PAM: variants seen among roughly 807,000 people sequenced by gnomAD.
PAM encodes peptidylglycine alpha-amidating monooxygenase, also known as peptidyl-glycine alpha-amidating monooxygenase.
Under a neutral mutation model 122.1 loss-of-function variants are expected in PAM, and 72 were observed. The observed-to-expected ratio is 0.59, with a 90% confidence interval of 0.49 to 0.72. The LOEUF (loss-of-function observed/expected upper bound fraction) is 0.72, where lower values mean the gene tolerates loss of function less well. Ranked by LOEUF, PAM falls within the 30% of genes least tolerant of loss-of-function variation. The pLI is 0.00. For missense variants in PAM, 1,106 were observed against 1,183.7 expected (o/e 0.93, Z 0.96); for synonymous variants, 389 against 404.4 (o/e 0.96, Z 0.46).
In PAM at chr5:102,930,698, T is replaced by C. The variant is rs75041811; in HGVS notation, c.526+4030T>C. On this transcript the variant is annotated intron_variant, in intron 7 of 25. Coordinates refer to ENST00000438793, the MANE Select transcript of PAM (RefSeq NM_001177306.2). ...ACCTGACTGGATTTTCATTTCCTAA[T>C]GCCGCTCAGTCTTGGGCTTGAGTAC... Among the ~76,000 whole-genome samples, 15 of 152,290 alleles carry C rather than the reference T, an allele frequency of 9.8e-5. No individual in the cohort carries two copies. In the East Asian group the frequency reaches 2.9e-3, roughly 29 times the overall value.
In PAM at chr5:102,906,140, G is replaced by C. The variant is rs1328680312; in HGVS notation, c.268+4727G>C. ...CCAACATCTCCTCAGCTTTTCTCAA[G>C]TAATAAAAAACAGTGAGAGATGAAT... On this transcript the variant is annotated intron_variant, in intron 4 of 25. Transcript: ENST00000438793. 2.0e-5 allele frequency among the ~76,000 whole-genome samples: 3 copies of C among 151,700 alleles called. No individual in the cohort carries two copies. In the East Asian group the frequency reaches 5.9e-4, roughly 30 times the overall value.
intron 7 of PAM, among the ~76,000 whole-genome samples, chr5:102,943,191 G>A (rs1011594246): frequency 1.3e-5 from 2 of 152,160 alleles, no homozygotes; most frequent in African/African-American, 4.8e-5. Context: ...GACAAGATGA[G>A]CTCATAAAGT....
At chr5:102,883,929 T>C (rs374983462) in intron 3 of PAM, among the ~76,000 whole-genome samples, 2 of 151,906 alleles carry the variant, frequency 1.3e-5, no homozygotes, top group African/African-American at 4.8e-5. Context: ...TAAAGGGATG[T>C]TGGATTTTGT....
intron 17 of PAM, among the ~76,000 whole-genome samples, chr5:103,004,648 A>G (rs1778410004): frequency 6.6e-6 from 1 of 152,192 alleles, no homozygotes; most frequent in Non-Finnish European, 1.5e-5. Flanking sequence ...TTCACAGCCC[A>G]TGTTGGCTGG....
intron 14 of PAM, among the ~76,000 whole-genome samples, chr5:102,970,668 C>T (rs17154890): frequency 0.012 from 1,879 of 152,118 alleles, 34 homozygotes; most frequent in African/African-American, 0.044. Flanking sequence ...TCCAAAGATA[C>T]GCTAAAAGAG....
chr5:102,817,894 C>T (rs545065601), intron 1 of PAM, among the ~76,000 whole-genome samples: 145 of 151,880 alleles, frequency 9.5e-4, no homozygotes, highest in African/African-American at 3.4e-3. Context: ...CATGTTGGGC[C>T]TTTTTAATTG....
At chr5:102,890,123 A>G (rs1794354701) in intron 3 of PAM, among the ~76,000 whole-genome samples, 1 of 151,946 alleles carries the variant, frequency 6.6e-6, no homozygotes, top group Non-Finnish European at 1.5e-5. Flanking sequence ...TTGCATCACT[A>G]GAGTATCATT....
chr5:102,764,391 G>A lies in PAM; in HGVS notation c.-374+9043G>A, dbSNP rs145936598. ...GCAGAGGGTCCTCTTACACAGGATG[G>A]TCAACAAAAACCTCTTGAAGAGGTA... On this transcript the variant is annotated intron_variant, in intron 1 of 25. Transcript: ENST00000438793. Among the ~76,000 whole-genome samples the A allele has an allele frequency of 9.9e-3, 1,501 of 152,048 alleles. 25 individuals are homozygous for A. The highest frequency in any genetic ancestry group is 0.035 in the African/African-American group (1,432 of 41,474).
In PAM at chr5:102,950,796, G is replaced by A; in HGVS notation, c.881G>A (p.Gly294Glu). 1.9e-6 allele frequency: 3 copies of A among 1,607,030 alleles called. No individual in the cohort carries two copies. Among genetic ancestry groups the A allele is most frequent in the East Asian group, 4.5e-5 (2 of 44,802 alleles). ...GCAAGATGTGTATTCACTGGTGAAG[G>A]AAGGACAGAAGCCACACACATTGGG... ...LAARCVFTGE[G>E]RTEATHIGGT... The change falls in exon 12 of 26, where the codon GGA (glycine) becomes GAA (glutamate). Residue 294 changes from glycine to glutamate, a missense_variant. Gly to Glu is a moderately conservative substitution (Grantham distance 98, BLOSUM62 -2). Around this residue, in one of 3 missense-constraint regions of PAM, gnomAD observed 670 missense variants for 690.3 expected, o/e 0.97. Transcript: ENST00000438793.
chr5:102,827,701 A>G (rs1197922099), intron 1 of PAM, among the ~76,000 whole-genome samples: 1 of 7,212 alleles, frequency 1.4e-4, no homozygotes, highest in Non-Finnish European at 1.8e-4. Flanking sequence ...TTTTTTTGAG[A>G]CGGAGTCTCG....
intron 7 of PAM, among the ~76,000 whole-genome samples, chr5:102,940,605 A>G (rs1754873033): frequency 6.6e-6 from 1 of 151,652 alleles, no homozygotes; most frequent in South Asian, 2.1e-4. Flanking sequence ...AAGAAAGAGG[A>G]AATAAAAAAA....
At chr5:102,978,523 G>T (rs62362524) in intron 15 of PAM, among the ~76,000 whole-genome samples, 38,877 of 151,966 alleles carry the variant, frequency 0.26, 5,604 homozygotes, top group East Asian at 0.43. Context: ...TGGCAGATTT[G>T]ATTGGACTAC....
chr5:102,816,548 C>T (rs1345666778), intron 1 of PAM, among the ~76,000 whole-genome samples: 2 of 152,094 alleles, frequency 1.3e-5, no homozygotes, highest in South Asian at 2.1e-4. Flanking sequence ...ATCAGGATCA[C>T]GGGTGGCTTC....
chr5:102,914,158 A>G, intron 5 of PAM, 137 bp downstream of exon 5: 1 of 610,144 alleles, frequency 1.6e-6, no homozygotes, highest in East Asian at 2.9e-5. Context: ...GTTCATTGTC[A>G]TCACGTGGTT....
intron 7 of PAM, among the ~76,000 whole-genome samples, chr5:102,931,196 G>A (rs918591230): frequency 4.5e-4 from 68 of 152,180 alleles, no homozygotes; most frequent in African/African-American, 1.5e-3. Flanking sequence ...TGAAAAGGAC[G>A]TGGTTACTTT....
At chr5:102,866,330 A>G in intron 2 of PAM, 46 bp downstream of exon 2, 1 of 1,233,584 alleles carries the variant, frequency 8.1e-7, no homozygotes, top group South Asian at 1.2e-5. Context: ...CTGTTGAGAA[A>G]TGTAATCACT....
chr5:102,815,342 A>C (rs754915093), intron 1 of PAM, among the ~76,000 whole-genome samples: 3 of 152,118 alleles, frequency 2.0e-5, no homozygotes, highest in Non-Finnish European at 2.9e-5. Flanking sequence ...GTGTTAGGGC[A>C]ATAGGAGGAG....
intron 8 of PAM, 77 bp from the exon 9 acceptor site, chr5:102,948,301 G>T (rs921944464): frequency 1.4e-6 from 1 of 737,150 alleles, no homozygotes; most frequent in Non-Finnish European, 2.4e-6. Context: ...CCAAAGTATT[G>T]AGGTATATGC....
chr5:102,961,082 G>A (rs1762350459), intron 13 of PAM, 76 bp from the exon 14 acceptor site: 2 of 750,606 alleles, frequency 2.7e-6, no homozygotes, highest in Admixed American at 3.9e-5. Flanking sequence ...TATGTTGATG[G>A]ACTATTTCCA....
Sources: gnomAD v4.1 joint callset for allele counts (sites outside exome capture counted in the v4.1 genomes callset) on GRCh38, gnomAD v4.1.1 for gene constraint, gnomAD v4.1.1 regional missense constraint, MANE v1.5 for transcripts, NCBI Gene and HGNC (gene_info 2026-07-23, HGNC 2026-07-21) for gene names.